Variants in ARPC1B observed in about 807,000 individuals in gnomAD.
ARPC1B encodes the protein actin related protein 2/3 complex subunit 1B.
Under a neutral mutation model 46.0 loss-of-function variants are expected in ARPC1B, and 29 were observed. The observed-to-expected ratio is 0.63, with a 90% CI of 0.47 to 0.86. The LOEUF (loss-of-function observed/expected upper bound fraction) is 0.86, where lower values mean the gene tolerates loss of function less well. Among genes scored for constraint, ARPC1B ranks in the 40% least tolerant of loss-of-function variants. ARPC1B has a pLI of 0.00. For synonymous variants in ARPC1B, 201 were observed against 213.9 expected, an observed-to-expected ratio of 0.94 and a Z score of 0.53; for missense variants, 469 against 529.4, an observed-to-expected ratio of 0.89 and a Z score of 1.12.
chr7:99,388,284 A>C (rs2150894247), intron 4 of ARPC1B, 23 bp downstream of exon 4: 1 of 1,610,846 alleles, frequency 6.2e-7, no homozygotes, highest in South Asian at 1.1e-5. Flanking sequence ...GCAGGGCCAG[A>C]GTGGGCTGTT....
At chr7:99,390,065 C>T (rs1004196201) in intron 5 of ARPC1B, 53 bp downstream of exon 5, 47 of 1,514,884 alleles carry the variant, frequency 3.1e-5, no homozygotes, top group Non-Finnish European at 4.0e-5. Context: ...TGACTGCTGA[C>T]ATCATAGCGG....
chr7:99,375,154 G>T (rs1793996272), intron 1 of ARPC1B, among the ~76,000 whole-genome samples: 1 of 151,954 alleles, frequency 6.6e-6, no homozygotes, highest in Non-Finnish European at 1.5e-5. Flanking sequence ...CTTCCGCCTC[G>T]TGCCTTCCGC....
At chr7:99,394,400 G>C in intron 9 of ARPC1B, 51 bp from the exon 10 acceptor site, 1 of 1,486,260 alleles carries the variant, frequency 6.7e-7, no homozygotes, top group Non-Finnish European at 9.4e-7. Flanking sequence ...CTGGGAGTGG[G>C]GTGCCTGCAG....
rs759445881 is a variant in ARPC1B, at chr7:99,391,020, T to G, written c.628T>G (p.Phe210Val). The stretch of plus-strand genomic sequence containing the variant: ...CTGCGGCTGGGTACATGGCGTCTGT[T>G]TCTCAGCCAGCGGGAGCCGCGTGGC... ...SSCGWVHGVC[F>V]SASGSRVAWV... is the part of the protein sequence containing the mutation. The change falls in exon 6 of 10, where the codon TTC becomes GTC. Residue 210 changes from phenylalanine to valine, a missense_variant. Coordinates refer to ENST00000646101, the MANE Select transcript of ARPC1B (RefSeq NM_005720.4). 1.9e-6 allele frequency: 3 copies of G among 1,613,980 alleles called. No homozygotes were observed. Among genetic ancestry groups the G allele is most frequent in the Non-Finnish European group, 2.5e-6 (3 of 1,180,012 alleles).
intron 7 of ARPC1B, among the ~76,000 whole-genome samples, chr7:99,392,342 T>G (rs1012320461): frequency 6.6e-6 from 1 of 152,094 alleles, no homozygotes; most frequent in African/African-American, 2.4e-5. Flanking sequence ...GCAAACATAA[T>G]GGGGGTGCCA....
At chr7:99,390,058 C>A in intron 5 of ARPC1B, 46 bp downstream of exon 5, 2 of 1,533,236 alleles carry the variant, frequency 1.3e-6, no homozygotes, top group Non-Finnish European at 1.8e-6. Flanking sequence ...CGTCAACTGA[C>A]TGCTGACATC....
In ARPC1B at chr7:99,394,492, T is replaced by C. The variant is rs1794701376; in HGVS notation, c.*3T>C. ...TGAAGGACCTCAAGATCAAATGACCTGTGAGGAATATGTTGCCTTCATCCT... is the reference window on the plus strand; with the variant it reads ...TGAAGGACCTCAAGATCAAATGACCCGTGAGGAATATGTTGCCTTCATCCT... On this transcript the variant is annotated 3_prime_UTR_variant, in exon 10 of 10. Transcript: ENST00000646101. 1 of 1,613,866 alleles carries C rather than the reference T, an allele frequency of 6.2e-7. No individual in the cohort carries two copies. Among genetic ancestry groups the C allele is most frequent in the Admixed American group, 1.7e-5 (1 of 59,960 alleles).
intron 2 of ARPC1B, 79 bp downstream of exon 2, chr7:99,385,857 CTG>C: frequency 6.9e-7 from 1 of 1,441,840 alleles, no homozygotes; most frequent in Non-Finnish European, 9.5e-7. Flanking sequence ...CATGGGGACT[CTG>C]GAGCAGCCAG....
At chr7:99,374,582 C>G (rs1449898435), upstream of ARPC1B, 4 of 152,168 alleles carry the variant, frequency 2.6e-5, no homozygotes, top group Admixed American at 2.6e-4. The surrounding 1 kb of genome is among the most constrained non-coding windows in gnomAD (Gnocchi z 5.0). Context: ...TGCGCGGGTA[C>G]CGGCAGCACC....
At chr7:99,382,766 G>A (rs545921425) in intron 1 of ARPC1B, among the ~76,000 whole-genome samples, 24 of 151,310 alleles carry the variant, frequency 1.6e-4, no homozygotes, top group African/African-American at 3.6e-4. Flanking sequence ...GAGCCACTGC[G>A]CCTGGCCCTA....
rs1794006445 is a variant in ARPC1B at position 99,375,393 on chromosome 7, G to T, written c.-14+612G>T. On this transcript the variant is annotated intron_variant, in intron 1 of 9. Coordinates refer to ENST00000646101, the MANE Select transcript of ARPC1B (RefSeq NM_005720.4). ...CCCCGGGCCAGGTCCGAGGGGTCCC[G>T]TACGGGGCGGGCCTGGCTGGCGGGG... Among the ~76,000 whole-genome samples, 4 of 152,164 alleles carry T rather than the reference G, an allele frequency of 2.6e-5. No homozygotes were observed. In the South Asian group the frequency reaches 8.3e-4, roughly 31 times the overall value.
chr7:99,384,450 C>T (rs755865641), intron 1 of ARPC1B, among the ~76,000 whole-genome samples: 2 of 152,166 alleles, frequency 1.3e-5, no homozygotes, highest in Non-Finnish European at 2.9e-5. Context: ...TAGTTGGGCA[C>T]AGTGGCACAT....
At chr7:99,391,780 G>A (rs1794579492) in intron 7 of ARPC1B, among the ~76,000 whole-genome samples, 1 of 150,076 alleles carries the variant, frequency 6.7e-6, no homozygotes, top group Non-Finnish European at 1.5e-5. Context: ...AGCCAGGCCC[G>A]GTGGCTCACA....
intron 5 of ARPC1B, 83 bp from the exon 6 acceptor site, chr7:99,390,810 G>A (rs539197159): frequency 1.2e-4 from 155 of 1,277,544 alleles, no homozygotes; most frequent in Admixed American, 9.0e-4. Context: ...CAATCCTCCC[G>A]CCTCAGCCTC....
chr7:99,376,147 G>A (rs549149696), intron 1 of ARPC1B, among the ~76,000 whole-genome samples: 6 of 151,428 alleles, frequency 4.0e-5, no homozygotes, highest in Non-Finnish European at 8.8e-5. Flanking sequence ...AACCTGCCTT[G>A]GCAGTGAGCC....
intron 1 of ARPC1B, among the ~76,000 whole-genome samples, chr7:99,380,406 G>A (rs558882482): frequency 6.6e-6 from 1 of 152,178 alleles, no homozygotes; most frequent in East Asian, 1.9e-4. Context: ...CCTGTCTCTC[G>A]CCCCCTTAAC....
intron 2 of ARPC1B, 95 bp from the exon 3 acceptor site, chr7:99,386,590 G>A (rs28377312): frequency 0.045 from 43,735 of 971,252 alleles, 1,247 homozygotes; most frequent in African/African-American, 0.095. Context: ...AGTCATGAAA[G>A]GTGAGGTGTT....
At chr7:99,379,200 C>T (rs1020885404) in intron 1 of ARPC1B, among the ~76,000 whole-genome samples, 2 of 152,340 alleles carry the variant, frequency 1.3e-5, no homozygotes, top group African/African-American at 4.8e-5. Context: ...GACAATTTCT[C>T]CACAGCTCTG....
At chr7:99,393,192 G>A (rs1245330797) in intron 8 of ARPC1B, among the ~76,000 whole-genome samples, 2 of 152,254 alleles carry the variant, frequency 1.3e-5, no homozygotes, top group African/African-American at 2.4e-5. Flanking sequence ...ACTCGCTGCG[G>A]AATAACATCG....
Sources: allele counts gnomAD v4.1 joint callset (sites outside exome capture counted in the v4.1 genomes callset), GRCh38; gene constraint gnomAD v4.1.1; non-coding constraint Gnocchi (gnomAD v3.1); transcripts MANE v1.5; gene names NCBI Gene and HGNC (gene_info 2026-07-23, HGNC 2026-07-21).